Variants in LIMD1 observed in about 807,000 individuals in gnomAD.
LIMD1 encodes LIM domain containing 1.
A neutral mutation model predicts 58.4 loss-of-function variants in LIMD1; 23 were observed. That is an observed-to-expected ratio of 0.39 (90% CI 0.28 to 0.56). The LOEUF (loss-of-function observed/expected upper bound fraction) is 0.56, where lower values mean the gene tolerates loss of function less well. Ranked by LOEUF, LIMD1 falls within the 20% of genes least tolerant of loss-of-function variation. LIMD1 has a pLI of 0.57. For missense variants in LIMD1, 838 were observed against 855.5 expected, an observed-to-expected ratio of 0.98 and a Z score of 0.25; for synonymous variants, 334 against 345.5, an observed-to-expected ratio of 0.97 and a Z score of 0.37.
Position 45,600,767 on chromosome 3 carries a change from A to C in LIMD1, c.1408+4480A>C, listed in dbSNP as rs58962321. ...ACACTGGTCCTCTTCTCCCTTTCTA[A>C]GGAAAAAGGACACAAGCCGGGTGTG... On this transcript the variant is annotated intron_variant, in intron 1 of 7. Transcript: ENST00000273317. Among the ~76,000 whole-genome samples the C allele has an allele frequency of 7.6e-3, 1,160 of 152,254 alleles. 12 individuals carry two copies. Among genetic ancestry groups the C allele is most frequent in the African/African-American group, 0.026 (1,092 of 41,534 alleles).
intron 1 of LIMD1, among the ~76,000 whole-genome samples, chr3:45,620,318 T>A (rs2125653820): frequency 6.6e-6 from 1 of 152,292 alleles, no homozygotes; most frequent in Admixed American, 6.5e-5. Flanking sequence ...TAGAAGGGTA[T>A]TGTAACCCAG....
chr3:45,625,800 T>C (rs1701664325), intron 1 of LIMD1, among the ~76,000 whole-genome samples: 1 of 152,210 alleles, frequency 6.6e-6, no homozygotes, highest in Admixed American at 6.5e-5. Context: ...ATCCTTGGAC[T>C]TCCCAGCCTC....
chr3:45,647,397 G>A (rs954882006), intron 2 of LIMD1, among the ~76,000 whole-genome samples: 10 of 152,334 alleles, frequency 6.6e-5, no homozygotes, highest in Non-Finnish European at 1.2e-4. Flanking sequence ...CTGGCTGAGT[G>A]TGGATCCTGT....
intron 1 of LIMD1, among the ~76,000 whole-genome samples, chr3:45,609,850 TC>T (rs1163975885): frequency 6.6e-6 from 1 of 152,156 alleles, no homozygotes; most frequent in Non-Finnish European, 1.5e-5. Context: ...CACTGTTGTA[TC>T]CCCAGGGCCC....
intron 1 of LIMD1, among the ~76,000 whole-genome samples, chr3:45,629,262 A>G (rs1200144762): frequency 6.6e-6 from 1 of 151,774 alleles, no homozygotes; most frequent in Non-Finnish European, 1.5e-5. Flanking sequence ...AAAATACAAA[A>G]ATTAGCCAGG....
At chr3:45,659,879 C>T (rs1426572853) in intron 2 of LIMD1, among the ~76,000 whole-genome samples, 1 of 152,166 alleles carries the variant, frequency 6.6e-6, no homozygotes, top group Non-Finnish European at 1.5e-5. Flanking sequence ...ATCTTACACT[C>T]TCAGCAGTAG....
At chr3:45,676,802 C>A in intron 7 of LIMD1, 120 bp from the exon 8 acceptor site, 1 of 952,282 alleles carries the variant, frequency 1.1e-6, no homozygotes, top group Non-Finnish European at 1.7e-6. Flanking sequence ...TCTGCACTGG[C>A]ATTTCCTGCC....
Position 45,677,412 on chromosome 3 carries a change from G to C in LIMD1, c.*353G>C, listed in dbSNP as rs1697685745. On this transcript the variant is annotated 3_prime_UTR_variant, in exon 8 of 8. Transcript: ENST00000273317. Reference sequence around the variant, plus strand: ...AGAGGGAGAGGTTTTTATTGAGCTTGTTTCACAATATCCCCTTGAAGGGAC... The same window carrying C: ...AGAGGGAGAGGTTTTTATTGAGCTTCTTTCACAATATCCCCTTGAAGGGAC... 1.0e-5 allele frequency: 2 copies of C among 199,796 alleles called. No homozygotes were observed. The highest frequency in any genetic ancestry group is 5.5e-5 in the Admixed American group (1 of 18,212). The allele number at this position is 199,796 out of a possible 1,614,324, so 12.4% of individuals were successfully genotyped here.
At chr3:45,650,800 G>T (rs1233163973) in intron 2 of LIMD1, among the ~76,000 whole-genome samples, 1 of 151,854 alleles carries the variant, frequency 6.6e-6, no homozygotes, top group Admixed American at 6.6e-5. Context: ...TAAACATAAC[G>T]TGTGCGTGTG....
chr3:45,614,708 A>G (rs1701560197), intron 1 of LIMD1, among the ~76,000 whole-genome samples: 1 of 151,524 alleles, frequency 6.6e-6, no homozygotes, highest in Non-Finnish European at 1.5e-5. Flanking sequence ...GGGCAACAGA[A>G]TGAGGCCCTG....
intron 7 of LIMD1, 172 bp downstream of exon 7, chr3:45,674,583 G>A (rs1352749794): frequency 1.7e-6 from 1 of 597,398 alleles, no homozygotes; most frequent in Admixed American, 2.8e-5. Context: ...AGGAGAAGAT[G>A]GAAATGCTCA....
chr3:45,602,746 A>G lies in LIMD1; in HGVS notation c.1408+6459A>G, dbSNP rs1452985798. 2.0e-5 allele frequency among the ~76,000 whole-genome samples: 3 copies of G among 152,124 alleles called. No individual in the cohort carries two copies. The East Asian group carries it at 5.8e-4, about 29-fold the overall frequency. Reference sequence around the variant, plus strand: ...ACCTACATGTCCTATTTGCATGACTACAGATGCCCTATCTGCATGTCTACA... The same window carrying G: ...ACCTACATGTCCTATTTGCATGACTGCAGATGCCCTATCTGCATGTCTACA... On this transcript the variant is annotated intron_variant, in intron 1 of 7. Coordinates refer to ENST00000273317, the MANE Select transcript of LIMD1 (RefSeq NM_014240.3).
intron 1 of LIMD1, among the ~76,000 whole-genome samples, chr3:45,600,725 A>G (rs1162438954): frequency 6.6e-6 from 1 of 152,140 alleles, no homozygotes; most frequent in Non-Finnish European, 1.5e-5. Context: ...CCTCCATGTG[A>G]TCCACCTATC....
chr3:45,642,786 C>G (rs1202107603), intron 2 of LIMD1, among the ~76,000 whole-genome samples: 1 of 152,176 alleles, frequency 6.6e-6, no homozygotes, highest in East Asian at 1.9e-4. Context: ...GGATTGTTTC[C>G]TTGGTGCTCG....
chr3:45,657,320 C>T (rs1479644549), intron 2 of LIMD1, among the ~76,000 whole-genome samples: 6 of 152,088 alleles, frequency 3.9e-5, no homozygotes, highest in Non-Finnish European at 7.4e-5. Context: ...TTAAGTGAGA[C>T]ATGAGGCAAG....
chr3:45,635,523 G>A (rs201790015), intron 1 of LIMD1, among the ~76,000 whole-genome samples: 2 of 152,008 alleles, frequency 1.3e-5, no homozygotes, highest in African/African-American at 4.8e-5. Context: ...AGGGCTTGGG[G>A]TGTGATATAC....
intron 1 of LIMD1, among the ~76,000 whole-genome samples, chr3:45,634,051 T>C (rs1701762144): frequency 6.6e-6 from 1 of 152,204 alleles, no homozygotes; most frequent in Admixed American, 6.5e-5. Flanking sequence ...TTATAAAATC[T>C]GTGAAGTTGA....
chr3:45,676,219 A>G (rs184644026), intron 7 of LIMD1, among the ~76,000 whole-genome samples: 13 of 152,246 alleles, frequency 8.5e-5, no homozygotes, highest in African/African-American at 3.1e-4. Flanking sequence ...TCCAGCCTAG[A>G]AAACAGAGGG....
intron 1 of LIMD1, among the ~76,000 whole-genome samples, chr3:45,632,177 CT>C (rs1195299311): frequency 6.6e-6 from 1 of 152,202 alleles, no homozygotes; most frequent in Non-Finnish European, 1.5e-5. Context: ...TAGTTGATGC[CT>C]GACAAACTAG....
Sources: gnomAD v4.1 joint callset for allele counts (sites outside exome capture counted in the v4.1 genomes callset) on GRCh38, gnomAD v4.1.1 for gene constraint, MANE v1.5 for transcripts, NCBI Gene and HGNC (gene_info 2026-07-23, HGNC 2026-07-21) for gene names.